Variants in RGL1 observed in about 807,000 individuals in gnomAD.
RGL1 encodes the protein ral guanine nucleotide dissociation stimulator like 1, also known as ral guanine nucleotide dissociation stimulator-like 1.
Under a neutral mutation model 95.2 loss-of-function variants are expected in RGL1, and 24 were observed. The observed-to-expected ratio is 0.25, with a 90% confidence interval of 0.18 to 0.35. The LOEUF (loss-of-function observed/expected upper bound fraction) is 0.35. Ranked by LOEUF, RGL1 falls within the 10% of genes least tolerant of loss-of-function variation. The probability of loss-of-function intolerance (pLI) is 1.00; values close to 1 mark genes in which losing one functional copy is unlikely to be tolerated. For synonymous variants in RGL1, 329 were observed against 344.9 expected (o/e 0.95, Z 0.51); for missense variants, 715 against 936.3 (o/e 0.76, Z 3.08).
At chr1:183,773,993 C>A (rs1199670334) in intron 2 of RGL1, among the ~76,000 whole-genome samples, 1 of 151,218 alleles carries the variant, frequency 6.6e-6, no homozygotes, top group African/African-American at 2.4e-5. Context: ...GGAGTGCAGA[C>A]AAATTATAAT....
intron 1 of RGL1, among the ~76,000 whole-genome samples, chr1:183,733,677 T>C (rs937940557): frequency 1.3e-5 from 2 of 152,182 alleles, no homozygotes; most frequent in Non-Finnish European, 2.9e-5. Context: ...CATAGTTAGA[T>C]AGGAATAAAA....
chr1:183,881,527 A>T (rs1167142589), intron 5 of RGL1, among the ~76,000 whole-genome samples: 4 of 152,190 alleles, frequency 2.6e-5, no homozygotes, highest in Non-Finnish European at 5.9e-5. Context: ...ACAGGCTTCC[A>T]GTGTGATGTT....
intron 2 of RGL1, among the ~76,000 whole-genome samples, chr1:183,814,039 G>A (rs886375731): frequency 1.3e-5 from 2 of 152,010 alleles, no homozygotes; most frequent in African/African-American, 4.8e-5. Context: ...TCCCTTAATT[G>A]TGTCATTATT....
intron 1 of RGL1, among the ~76,000 whole-genome samples, chr1:183,695,783 C>G (rs889277517): frequency 6.6e-6 from 1 of 151,948 alleles, no homozygotes; most frequent in African/African-American, 2.4e-5. Flanking sequence ...ATTAACGAAG[C>G]TATTTATGAA....
intron 1 of RGL1, among the ~76,000 whole-genome samples, chr1:183,725,970 C>G (rs1013575121): frequency 1.1e-4 from 17 of 151,806 alleles, no homozygotes; most frequent in African/African-American, 4.1e-4. Context: ...TGTTTTCTGA[C>G]TACAAGGGAA....
At chr1:183,868,014 A>G (rs1417686654) in intron 4 of RGL1, among the ~76,000 whole-genome samples, 1 of 152,240 alleles carries the variant, frequency 6.6e-6, no homozygotes, top group Non-Finnish European at 1.5e-5. Flanking sequence ...TTGAATGTCA[A>G]GCACAAGGTA....
intron 1 of RGL1, among the ~76,000 whole-genome samples, chr1:183,681,586 A>T (rs185716652): frequency 1.3e-5 from 2 of 152,238 alleles, no homozygotes; most frequent in African/African-American, 4.8e-5. Context: ...CCAGTATTTT[A>T]TTGAGGATTT....
intron 2 of RGL1, among the ~76,000 whole-genome samples, chr1:183,839,353 C>A (rs535479039): frequency 1.3e-5 from 2 of 152,232 alleles, no homozygotes; most frequent in South Asian, 4.2e-4. Flanking sequence ...TAGGTGACAC[C>A]ATTACCTTTC....
At chr1:183,926,066 C>T in intron 17 of RGL1, 39 bp from the exon 18 acceptor site, 1 of 1,584,504 alleles carries the variant, frequency 6.3e-7, no homozygotes, top group South Asian at 1.2e-5. Context: ...GAGCTGACCT[C>T]CACAAGCTGA....
chr1:183,749,329 A>G (rs1252249244), intron 2 of RGL1, among the ~76,000 whole-genome samples: 1 of 152,192 alleles, frequency 6.6e-6, no homozygotes, highest in Non-Finnish European at 1.5e-5. Context: ...TATATTTAGG[A>G]TAGCCATCTC....
rs1307910589 is a variant in RGL1 at position 183,904,932 on chromosome 1, AGT to A, written c.1435_1436del (p.Trp479ValfsTer18). On this transcript the variant is annotated frameshift_variant, in exon 13 of 18. Coordinates refer to ENST00000360851, the MANE Select transcript of RGL1 (RefSeq NM_001297671.3). LOFTEE classifies it high-confidence loss of function. ...ATGACCCCAGACCAAAAGTTCATCC[AGT>A]GGTTCCAGAGGCAGCAGCTCCTGAC... 6.2e-7 allele frequency: 1 copy of A among 1,613,758 alleles called. No homozygotes were observed. Among genetic ancestry groups the A allele is most frequent in the Non-Finnish European group, 8.5e-7 (1 of 1,179,906 alleles).
At chr1:183,855,225 C>T (rs909137220) in intron 3 of RGL1, among the ~76,000 whole-genome samples, 8 of 152,180 alleles carry the variant, frequency 5.3e-5, no homozygotes, top group Non-Finnish European at 1.0e-4. Flanking sequence ...TCTATAGACT[C>T]GTGTCATCAC....
rs531413468 is a variant in RGL1, at chr1:183,794,333, T to C, written c.133-12042T>C. Among the ~76,000 whole-genome samples the C allele has an allele frequency of 3.9e-4, 59 of 152,280 alleles. No homozygotes were observed. In the Middle Eastern group the frequency reaches 0.01, roughly 26 times the overall value. On this transcript the variant is annotated intron_variant, in intron 2 of 18. Transcript: ENST00000304685. ...AGAGGTTGCTTAATAGGTGCAAAGGTACAGTTGGAAGGATTAAGTTTTAGT... is the reference window on the plus strand; with the variant it reads ...AGAGGTTGCTTAATAGGTGCAAAGGCACAGTTGGAAGGATTAAGTTTTAGT...
At chr1:183,848,730 T>A (rs955068376) in intron 3 of RGL1, among the ~76,000 whole-genome samples, 2 of 152,082 alleles carry the variant, frequency 1.3e-5, no homozygotes, top group African/African-American at 4.8e-5. Flanking sequence ...AAGAAGAAAA[T>A]TAAATAGACC....
At chr1:183,636,387 T>G in exon 1 of RGL1, 1 of 390,214 alleles carries the variant, frequency 2.6e-6, no homozygotes, top group East Asian at 3.6e-5. Flanking sequence ...TTCCTGGGAT[T>G]GGAACTACCC....
At chr1:183,667,932 TAAC>T (rs987944839) in intron 1 of RGL1, among the ~76,000 whole-genome samples, 5 of 142,110 alleles carry the variant, frequency 3.5e-5, no homozygotes, top group Non-Finnish European at 6.4e-5. Context: ...TACTATATAA[TAAC>T]AAAATATTTC....
intron 1 of RGL1, among the ~76,000 whole-genome samples, chr1:183,656,161 C>T (rs78317543): frequency 0.013 from 1,937 of 149,046 alleles, 50 homozygotes; most frequent in African/African-American, 0.046. Flanking sequence ...AGGAAGTCCC[C>T]TTGGCTCTCT....
chr1:183,757,143 G>A (rs528485638), intron 2 of RGL1, among the ~76,000 whole-genome samples: 2 of 151,944 alleles, frequency 1.3e-5, no homozygotes, highest in East Asian at 1.9e-4. Flanking sequence ...TATGGCTATC[G>A]AACAGAGATG....
At chr1:183,726,380 A>G (rs1383846050) in intron 1 of RGL1, among the ~76,000 whole-genome samples, 2 of 152,066 alleles carry the variant, frequency 1.3e-5, no homozygotes, top group Non-Finnish European at 2.9e-5. Context: ...ACTGCTGGCT[A>G]TATTGATCAA....
Sources: allele counts gnomAD v4.1 joint callset (sites outside exome capture counted in the v4.1 genomes callset), GRCh38; gene constraint gnomAD v4.1.1; transcripts MANE v1.5; gene names NCBI Gene and HGNC (gene_info 2026-07-23, HGNC 2026-07-21).